The following ITPRID1 variants were observed in gnomAD, a reference collection of about 807,000 sequenced individuals.
The protein encoded by ITPRID1 is protein ITPRID1.
A neutral mutation model predicts 95.4 loss-of-function variants in ITPRID1; 96 were observed. The ratio of observed to expected loss-of-function variants is 1.01; its 90% CI spans 0.85 to 1.19. The LOEUF is 1.19. ITPRID1 is among the 50% of genes most tolerant of loss of function. The pLI, the probability that ITPRID1 is intolerant of heterozygous loss-of-function variation, is 0.00. For missense variants in ITPRID1, 1,339 were observed against 1,252.9 expected (o/e 1.07, Z -1.04); for synonymous variants, 510 against 453.6 (o/e 1.12, Z -1.58).
chr7:31,528,704 G>A (rs1218282766), intron 1 of ITPRID1, among the ~76,000 whole-genome samples: 1 of 152,100 alleles, frequency 6.6e-6, no homozygotes, highest in African/African-American at 2.4e-5. Flanking sequence ...GAAACTTCAC[G>A]AGCTGTCATA....
intron 10 of ITPRID1, among the ~76,000 whole-genome samples, chr7:31,599,643 TTCTTTTTCTTTCTTTCCTTTCTCTC>T (rs1786282714): frequency 2.1e-5 from 1 of 48,678 alleles, no homozygotes; most frequent in African/African-American, 6.4e-5. Context: ...CTTTCTTTCT[TTCTTTTTCTTTCTTTCCTTTCTCTC>T]TCTCTCTCTC....
intron 10 of ITPRID1, among the ~76,000 whole-genome samples, chr7:31,627,684 T>A (rs946495612): frequency 5.9e-4 from 47 of 80,122 alleles, no homozygotes; most frequent in African/African-American, 1.8e-3. Context: ...AAAAAAAAAA[T>A]TCAGTAAACA....
intron 8 of ITPRID1, 78 bp downstream of exon 8, chr7:31,574,820 A>G: frequency 2.3e-6 from 3 of 1,313,730 alleles, no homozygotes; most frequent in South Asian, 2.5e-5. Context: ...AGGCGAGGAG[A>G]TTGTGTGAAG....
At chr7:31,546,881 G>A (rs1784115005) in intron 1 of ITPRID1, among the ~76,000 whole-genome samples, 1 of 152,010 alleles carries the variant, frequency 6.6e-6, no homozygotes, top group African/African-American at 2.4e-5. Context: ...CATGTAGACA[G>A]AAAAGATAAA....
chr7:31,525,472 G>A (rs1783394798), intron 1 of ITPRID1, among the ~76,000 whole-genome samples: 1 of 152,188 alleles, frequency 6.6e-6, no homozygotes, highest in South Asian at 2.1e-4. Context: ...ATCAGTGCTA[G>A]TTGAGACTCC....
chr7:31,581,251 C>T (rs1785393275), intron 9 of ITPRID1, among the ~76,000 whole-genome samples: 1 of 152,040 alleles, frequency 6.6e-6, no homozygotes, highest in Admixed American at 6.6e-5. Context: ...TCCCTAAAGT[C>T]GTACTAAAAG....
intron 5 of ITPRID1, among the ~76,000 whole-genome samples, chr7:31,565,682 G>A (rs566312548): frequency 6.2e-4 from 95 of 152,130 alleles, no homozygotes; most frequent in African/African-American, 2.3e-3. Flanking sequence ...AGGTTGCAGT[G>A]AGCTGAGATC....
chr7:31,631,373 G>T, intron 10 of ITPRID1, among the ~76,000 whole-genome samples: 1 of 152,014 alleles, frequency 6.6e-6, no homozygotes, highest in Non-Finnish European at 1.5e-5. Context: ...TGTGTATTAG[G>T]ATTATTATTT....
At chr7:31,532,128 A>G (rs1200900218) in intron 1 of ITPRID1, among the ~76,000 whole-genome samples, 1 of 152,110 alleles carries the variant, frequency 6.6e-6, no homozygotes, top group Non-Finnish European at 1.5e-5. Flanking sequence ...TAATATATAT[A>G]CAATTTTATA....
At chr7:31,626,809 A>G (rs1322235619) in intron 10 of ITPRID1, among the ~76,000 whole-genome samples, 1 of 152,186 alleles carries the variant, frequency 6.6e-6, no homozygotes, top group African/African-American at 2.4e-5. Context: ...GAAAGAGCAG[A>G]GGCACAGTCT....
At chr7:31,617,741 C>T (rs1056543371) in intron 10 of ITPRID1, among the ~76,000 whole-genome samples, 2 of 151,726 alleles carry the variant, frequency 1.3e-5, no homozygotes, top group South Asian at 2.1e-4. Context: ...TAATACTCTA[C>T]CTAAAATGAG....
chr7:31,620,388 GC>G (rs1787740246), intron 10 of ITPRID1, among the ~76,000 whole-genome samples: 1 of 151,778 alleles, frequency 6.6e-6, no homozygotes, highest in Non-Finnish European at 1.5e-5. Flanking sequence ...ACCTCACACG[GC>G]CGGGTACTCC....
intron 10 of ITPRID1, among the ~76,000 whole-genome samples, chr7:31,620,393 G>A (rs1249783061): frequency 6.6e-6 from 1 of 151,804 alleles, no homozygotes; most frequent in East Asian, 1.9e-4. Context: ...ACACGGCCGG[G>A]TACTCCTCTG....
intron 10 of ITPRID1, among the ~76,000 whole-genome samples, chr7:31,600,538 A>T (rs945768756): frequency 1.1e-4 from 16 of 152,330 alleles, no homozygotes; most frequent in African/African-American, 3.8e-4. Context: ...GTATGCTCCT[A>T]CAGAAAAAGG....
At position 31,656,418 on chromosome 7, in the gene ITPRID1, C is replaced by T; in HGVS notation, c.*3589C>T. On this transcript the variant is annotated 3_prime_UTR_variant, in exon 15 of 15. Coordinates refer to ENST00000615280, the MANE Select transcript of ITPRID1 (RefSeq NM_001257967.3). ...CATGAATCCTGTGCAGTGTTTAATC[C>T]AATGTCCATCACGTAGTAAGTGTTC... is the stretch of plus-strand genomic sequence containing the variant. The T allele has an allele frequency of 1.6e-6, 1 of 637,126 alleles. No homozygotes were observed. Among genetic ancestry groups the T allele is most frequent in the African/African-American group, 2.0e-5 (1 of 50,342 alleles). The allele number at this position is 637,126 out of a possible 1,614,324, so 39.5% of individuals were successfully genotyped here.
rs185255152 is a variant in ITPRID1 at position 31,533,584 on chromosome 7, G to T, written c.-97-15842G>T. Among the ~76,000 whole-genome samples the T allele has an allele frequency of 1.2e-3, 188 of 151,894 alleles. No homozygotes were observed. The Middle Eastern group carries it at 0.017, about 14-fold the overall frequency. Reference sequence around the variant, plus strand: ...GTCATTTATTTTCTAAATTTCTTATGTTCCAATATATGCATTTTAAACTGC... The same window carrying T: ...GTCATTTATTTTCTAAATTTCTTATTTTCCAATATATGCATTTTAAACTGC... On this transcript the variant is annotated intron_variant, in intron 1 of 14. Coordinates refer to ENST00000615280, the MANE Select transcript of ITPRID1 (RefSeq NM_001257967.3).
rs192536493 is a variant in ITPRID1, at chr7:31,578,328, G to T, written c.1064G>T (p.Gly355Val). ...GCTCCTCCTTCCTGTGTGTCTGAGG[G>T]GTCAGTCAAGGGCAGAACTCAGAAG... ...KQAPPSCVSE[G>V]SVKGRTQKEN... The change falls in exon 9 of 15, where the codon GGG becomes GTG. Residue 355 changes from glycine to valine, a missense_variant. Gly to Val is a moderately radical substitution (Grantham distance 109). Transcript: ENST00000615280. 5 of 1,613,694 alleles carry T rather than the reference G, an allele frequency of 3.1e-6. No individual in the cohort carries two copies. The East Asian group carries it at 6.7e-5, about 22-fold the overall frequency.
intron 1 of ITPRID1, among the ~76,000 whole-genome samples, chr7:31,542,422 AT>A (rs1354351274): frequency 3.9e-5 from 6 of 152,296 alleles, no homozygotes; most frequent in African/African-American, 1.2e-4. Context: ...GATGACTCAA[AT>A]TTCTTACTTG....
At chr7:31,609,198 T>C (rs56983510) in intron 10 of ITPRID1, among the ~76,000 whole-genome samples, 53,149 of 151,360 alleles carry the variant, frequency 0.35, 9,883 homozygotes, top group East Asian at 0.47. Flanking sequence ...ATATAATCCA[T>C]TTTTTATATT....
Sources: gnomAD v4.1 joint callset for allele counts (sites outside exome capture counted in the v4.1 genomes callset) on GRCh38, gnomAD v4.1.1 for gene constraint, MANE v1.5 for transcripts, NCBI Gene and HGNC (gene_info 2026-07-23, HGNC 2026-07-21) for gene names.